ZSCAN1: variants seen among roughly 807,000 people sequenced by gnomAD.
ZSCAN1 encodes zinc finger and SCAN domain containing 1.
In ZSCAN1, 23 loss-of-function variants were observed where a neutral mutation model predicts 23.8. That is an observed-to-expected ratio of 0.97 (90% confidence interval 0.70 to 1.37). The LOEUF is 1.37. Among genes scored for constraint, ZSCAN1 ranks in the 40% most tolerant of loss-of-function variants. The pLI is 0.00. For synonymous variants in ZSCAN1, 236 were observed against 232.3 expected, an observed-to-expected ratio of 1.02 and a Z score of -0.15; for missense variants, 575 against 554.0, an observed-to-expected ratio of 1.04 and a Z score of -0.38.
chr19:58,044,643 CG>C, intron 4 of ZSCAN1: 1 of 1,035,590 alleles, frequency 9.7e-7, no homozygotes, highest in Non-Finnish European at 1.5e-6. Context: ...AGCCTCCCGC[CG>C]CCGCCTCGGG....
chr19:58,035,454 C>T lies in ZSCAN1; in HGVS notation c.-151-516C>T, dbSNP rs533644163. On this transcript the variant is annotated intron_variant, in intron 1 of 5. Coordinates refer to ENST00000282326, the MANE Select transcript of ZSCAN1 (RefSeq NM_182572.4). ...TCCTCCCACAGACCTCAGCCCAGGA[C>T]CCTGGAGGATGCTGAGGGGCTACAG... The T allele has an allele frequency of 4.3e-3, 661 of 152,464 alleles. 5 individuals are homozygous for T. Among genetic ancestry groups the T allele is most frequent in the Non-Finnish European group, 7.1e-3 (487 of 68,128 alleles). 9.4% of individuals were successfully genotyped at this position (152,464 alleles called of 1,614,324 possible). A position where few individuals can be genotyped will look rare whatever the true frequency, so the allele number is the denominator to read the frequency against.
chr19:58,047,849 T>C lies in ZSCAN1; in HGVS notation c.466-4641T>C, dbSNP rs2073836080. On this transcript the variant is annotated intron_variant, in intron 4 of 5. Coordinates refer to ENST00000282326, the MANE Select transcript of ZSCAN1 (RefSeq NM_182572.4). This position sits in a 1 kb window ranked among gnomAD's most constrained non-coding sequence, Gnocchi z 4.9. ...TTTACCCTGTGCCCTCTGGGTGGGG[T>C]GGCCTCCCTGCACTCGGCAGCATGG... is the stretch of plus-strand genomic sequence containing the variant. 6.6e-6 allele frequency among the ~76,000 whole-genome samples: 1 copy of C among 152,128 alleles called. No homozygotes were observed. Among genetic ancestry groups the C allele is most frequent in the South Asian group, 2.1e-4 (1 of 4,824 alleles).
At chr19:58,050,050 T>G (rs1018456337) in intron 4 of ZSCAN1, among the ~76,000 whole-genome samples, 1 of 151,966 alleles carries the variant, frequency 6.6e-6, no homozygotes, top group Admixed American at 6.5e-5. Context: ...GGTTGGTATC[T>G]CCTACTCCAC....
chr19:58,042,659 C>T (rs12976057), intron 4 of ZSCAN1, among the ~76,000 whole-genome samples: 24,117 of 152,232 alleles, frequency 0.16, 2,130 homozygotes, highest in Middle Eastern at 0.24. Flanking sequence ...GGGTAGACCA[C>T]AGTTGTTGGC....
intron 4 of ZSCAN1, chr19:58,046,912 TTTTCATCA>T (rs556153219): frequency 1.9e-4 from 98 of 518,660 alleles, no homozygotes; most frequent in African/African-American, 1.8e-3. Flanking sequence ...TAAACTGTAA[TTTTCATCA>T]TTCCACGGAG....
In ZSCAN1 at chr19:58,045,461, C is replaced by T; in HGVS notation, c.465+4917C>T. 1 of 1,220,006 alleles carries T rather than the reference C, an allele frequency of 8.2e-7. No individual in the cohort carries two copies. Among genetic ancestry groups the T allele is most frequent in the Admixed American group, 1.7e-5 (1 of 59,526 alleles). 75.6% of individuals were successfully genotyped at this position (1,220,006 alleles called of 1,614,324 possible). A position where few individuals can be genotyped will look rare whatever the true frequency, so the allele number is the denominator to read the frequency against. ...ACTTCTCTGTGTTTTTCCAGAAGAT[C>T]CGGGAGACGGGGGAGAGGCCCAGCA... is the stretch of plus-strand genomic sequence containing the variant. On this transcript the variant is annotated intron_variant, in intron 4 of 5. Coordinates refer to ENST00000282326, the MANE Select transcript of ZSCAN1 (RefSeq NM_182572.4). The surrounding 1 kb of genome is among the most constrained non-coding windows in gnomAD (Gnocchi z 4.3).
intron 4 of ZSCAN1, among the ~76,000 whole-genome samples, chr19:58,043,255 A>G (rs1255715332): frequency 6.6e-6 from 1 of 152,232 alleles, no homozygotes; most frequent in Non-Finnish European, 1.5e-5. Flanking sequence ...ATGCTTCCTT[A>G]GGCGGTTTCG....
At chr19:58,035,645 G>A (rs1186504704) in intron 1 of ZSCAN1, 1 of 152,244 alleles carries the variant, frequency 6.6e-6, no homozygotes, top group South Asian at 2.1e-4. Flanking sequence ...ACATAAGAGA[G>A]CATTTTTGCC....
chr19:58,049,447 T>G lies in ZSCAN1; in HGVS notation c.466-3043T>G, dbSNP rs1230215759. The G allele has an allele frequency of 3.9e-5, 6 of 152,474 alleles. No homozygotes were observed. Among genetic ancestry groups the G allele is most frequent in the Admixed American group, 3.9e-4 (6 of 15,300 alleles). 9.4% of individuals were successfully genotyped at this position (152,474 alleles called of 1,614,324 possible). On this transcript the variant is annotated intron_variant, in intron 4 of 5. Transcript: ENST00000282326. The surrounding 1 kb of genome is among the most constrained non-coding windows in gnomAD (Gnocchi z 4.5). ...TTGTGGTACTCATTCAGGTCTTTGC[T>G]GGTGGAGAAGTTGTAGGCGGGGGGT...
rs975829999 is a variant in ZSCAN1, at chr19:58,053,921, G to A, written c.1097G>A (p.Gly366Glu). ...GPRESVPPRDGAQGPVAPRSP... is the reference protein window; with the variant it reads ...GPRESVPPRDEAQGPVAPRSP... ...CGGGAGTCCGTCCCACCCAGGGATGGAGCCCAGGGCCCAGTGGCCCCTCGC... is the reference window on the plus strand; with the variant it reads ...CGGGAGTCCGTCCCACCCAGGGATGAAGCCCAGGGCCCAGTGGCCCCTCGC... The change falls in exon 6 of 6, where the codon GGA (glycine) becomes GAA (glutamate). Residue 366 changes from glycine (G) to glutamate (E), a missense_variant. By Grantham distance (98) the Gly-to-Glu change is moderately conservative. Transcript: ENST00000282326. The surrounding 1 kb of genome is among the most constrained non-coding windows in gnomAD (Gnocchi z 5.8). 2.5e-6 allele frequency: 4 copies of A among 1,612,848 alleles called. No individual in the cohort carries two copies. Among genetic ancestry groups the A allele is most frequent in the Non-Finnish European group, 3.4e-6 (4 of 1,179,286 alleles).
chr19:58,048,921 G>A (rs2073842132), intron 4 of ZSCAN1: 1 of 151,974 alleles, frequency 6.6e-6, no homozygotes, highest in African/African-American at 2.4e-5. Context: ...TTCTAATTTT[G>A]TAGAGTTGGG....
Position 58,040,453 on chromosome 19 carries a change from T to C in ZSCAN1, c.374T>C (p.Leu125Pro). Residue 125 changes from leucine (L) to proline (P), a missense_variant, in exon 4 of 6, where the codon CTG becomes CCG. Leu to Pro is a moderately conservative substitution (Grantham distance 98). Coordinates refer to ENST00000282326, the MANE Select transcript of ZSCAN1 (RefSeq NM_182572.4). This position sits in a 1 kb window ranked among gnomAD's most constrained non-coding sequence, Gnocchi z 5.8. The part of the protein sequence containing the change: ...DLTQMCQQEV[L>P]VSLDSVEPQD... Reference sequence around the variant, plus strand: ...ACGATCCCTTTCTCCCGCACAGTTCTGGTATCTCTGGACTCGGTCGAACCC... The same window carrying C: ...ACGATCCCTTTCTCCCGCACAGTTCCGGTATCTCTGGACTCGGTCGAACCC... 3 of 1,613,584 alleles carry C rather than the reference T, an allele frequency of 1.9e-6. No individual in the cohort carries two copies. The highest frequency in any genetic ancestry group is 2.7e-5 in the African/African-American group (2 of 75,020).
At chr19:58,037,238 C>T (rs1015235557) in intron 2 of ZSCAN1, among the ~76,000 whole-genome samples, 3 of 152,120 alleles carry the variant, frequency 2.0e-5, no homozygotes, top group Non-Finnish European at 2.9e-5. Context: ...CTCCTAGCCA[C>T]ACGTAGGTGG....
At chr19:58,043,824 T>C (rs2073806000) in intron 4 of ZSCAN1, among the ~76,000 whole-genome samples, 1 of 152,008 alleles carries the variant, frequency 6.6e-6, no homozygotes, top group South Asian at 2.1e-4. Context: ...AATTTTTATA[T>C]GTTTTAAAAT....
chr19:58,045,668 A>G lies in ZSCAN1; in HGVS notation c.465+5124A>G. 1.1e-6 allele frequency: 1 copy of G among 915,966 alleles called. No individual in the cohort carries two copies. Among genetic ancestry groups the G allele is most frequent in the South Asian group, 1.3e-5 (1 of 76,336 alleles). 56.7% of individuals were successfully genotyped at this position (915,966 alleles called of 1,614,324 possible). A position where few individuals can be genotyped will look rare whatever the true frequency, so the allele number is the denominator to read the frequency against. ...AAGCTGTTTGCTGAGGAAGGGGTGG[A>G]CAGCCTGAACGTCAAGGAGCTGCAG... On this transcript the variant is annotated intron_variant, in intron 4 of 5. Transcript: ENST00000282326. This position sits in a 1 kb window ranked among gnomAD's most constrained non-coding sequence, Gnocchi z 4.3.
chr19:58,035,272 C>G (rs569648710), intron 1 of ZSCAN1, among the ~76,000 whole-genome samples: 1 of 152,282 alleles, frequency 6.6e-6, no homozygotes, highest in African/African-American at 2.4e-5. Context: ...CCAGAAACAG[C>G]CACCCATCAG....
Position 58,040,672 on chromosome 19 carries a change from C to T in ZSCAN1, c.465+128C>T. 3 of 846,044 alleles carry T rather than the reference C, an allele frequency of 3.5e-6. No homozygotes were observed. Among genetic ancestry groups the T allele is most frequent in the Non-Finnish European group, 5.6e-6 (3 of 538,452 alleles). 52.4% of individuals were successfully genotyped at this position (846,044 alleles called of 1,614,324 possible). A position where few individuals can be genotyped will look rare whatever the true frequency, so the allele number is the denominator to read the frequency against. ...TCCCCAGCGCTCCCAGGAAGCCCGG[C>T]CTCCAAACTCCCCGCCTGCCCCACA... On this transcript the variant is annotated intron_variant, in intron 4 of 5. Coordinates refer to ENST00000282326, the MANE Select transcript of ZSCAN1 (RefSeq NM_182572.4). This position sits in a 1 kb window ranked among gnomAD's most constrained non-coding sequence, Gnocchi z 5.8.
chr19:58,039,381 A>G (rs1458222833), intron 3 of ZSCAN1, among the ~76,000 whole-genome samples: 2 of 152,144 alleles, frequency 1.3e-5, no homozygotes, highest in Non-Finnish European at 2.9e-5. Flanking sequence ...AGGGCTCTCT[A>G]TCTGTCTTCC....
At chr19:58,043,518 T>C (rs761280946) in intron 4 of ZSCAN1, among the ~76,000 whole-genome samples, 2 of 152,190 alleles carry the variant, frequency 1.3e-5, no homozygotes, top group Non-Finnish European at 2.9e-5. Context: ...TGAGTCTGAG[T>C]GGTGAGTGAA....
Sources: gnomAD v4.1 joint callset for allele counts (sites outside exome capture counted in the v4.1 genomes callset) on GRCh38, gnomAD v4.1.1 for gene constraint, Gnocchi (gnomAD v3.1) non-coding constraint, MANE v1.5 for transcripts, NCBI Gene and HGNC (gene_info 2026-07-23, HGNC 2026-07-21) for gene names.